LHFPL6: variants seen among roughly 807,000 people sequenced by gnomAD.
LHFPL6 encodes the protein LHFPL tetraspan subfamily member 6.
A neutral mutation model predicts 20.6 loss-of-function variants in LHFPL6; 9 were observed. The ratio of observed to expected loss-of-function variants is 0.44; its 90% CI spans 0.26 to 0.76. The LOEUF (loss-of-function observed/expected upper bound fraction) is 0.76. LHFPL6 is among the 30% of genes least tolerant of loss of function. The pLI is 0.20. For missense variants in LHFPL6, 218 were observed against 253.5 expected (o/e 0.86, Z 0.95); for synonymous variants, 105 against 98.7 (o/e 1.06, Z -0.38).
chr13:39,550,743 A>G (rs1012161087), intron 2 of LHFPL6, among the ~76,000 whole-genome samples: 1 of 152,176 alleles, frequency 6.6e-6, no homozygotes, highest in Admixed American at 6.5e-5. Context: ...TTCAGTTTAC[A>G]TACGCTTATT....
intron 2 of LHFPL6, among the ~76,000 whole-genome samples, chr13:39,511,174 A>G (rs766471597): frequency 1.4e-4 from 22 of 152,084 alleles, no homozygotes; most frequent in Non-Finnish European, 2.8e-4. Flanking sequence ...CACCTAGCCA[A>G]AATATTTTCT....
At chr13:39,543,607 C>T (rs1402248533) in intron 2 of LHFPL6, among the ~76,000 whole-genome samples, 3 of 148,270 alleles carry the variant, frequency 2.0e-5, no homozygotes, top group South Asian at 2.2e-4. Context: ...ATGGATCTGG[C>T]CCCCCGCAGA....
chr13:39,443,760 G>A (rs559790997), intron 2 of LHFPL6, among the ~76,000 whole-genome samples: 40 of 151,856 alleles, frequency 2.6e-4, no homozygotes, highest in African/African-American at 9.7e-4. Context: ...TGGTGTGAAA[G>A]TAATACGCAT....
chr13:39,446,434 T>A (rs1230296518), intron 2 of LHFPL6, among the ~76,000 whole-genome samples: 1 of 152,186 alleles, frequency 6.6e-6, no homozygotes, highest in African/African-American at 2.4e-5. Flanking sequence ...CAGCTATTGA[T>A]GAACTATGGT....
rs1342229280 is a variant in LHFPL6, at chr13:39,601,358, A to G, written c.-142T>C. 11 of 746,206 alleles carry G rather than the reference A, an allele frequency of 1.5e-5. No individual in the cohort carries two copies. Among genetic ancestry groups the G allele is most frequent in the African/African-American group, 5.2e-5 (3 of 57,186 alleles). 46.2% of individuals were successfully genotyped at this position (746,206 alleles called of 1,614,324 possible). On this transcript the variant is annotated 5_prime_UTR_variant, in exon 2 of 4. Transcript: ENST00000379589. ...GGATCTTCAGTCTTACTGGGCATCA[A>G]CTTTCCATCCTCTGCACTAAAGATG...
intron 2 of LHFPL6, 103 bp from the exon 3 acceptor site, chr13:39,378,629 G>C: frequency 1.3e-6 from 1 of 793,132 alleles, no homozygotes; most frequent in Non-Finnish European, 2.1e-6. Context: ...CATAGCGTCT[G>C]CTTTTTAGAC....
At chr13:39,588,468 A>G (rs917538584) in intron 2 of LHFPL6, among the ~76,000 whole-genome samples, 1 of 152,228 alleles carries the variant, frequency 6.6e-6, no homozygotes, top group Non-Finnish European at 1.5e-5. Context: ...GCCATTCCCA[A>G]ATAAGTTTGT....
Position 39,343,584 on chromosome 13 carries a change from G to T in LHFPL6, c.*352C>A. 1 of 226,124 alleles carries T rather than the reference G, an allele frequency of 4.4e-6. No individual in the cohort carries two copies. 14.0% of individuals were successfully genotyped at this position (226,124 alleles called of 1,614,324 possible). ...AAAAAAAACTAAAACCCAAACCCTT[G>T]TTTGTATATGTAGATTTGTTGTGTG... On this transcript the variant is annotated 3_prime_UTR_variant, in exon 4 of 4. Coordinates refer to ENST00000379589, the MANE Select transcript of LHFPL6 (RefSeq NM_005780.3).
intron 3 of LHFPL6, among the ~76,000 whole-genome samples, chr13:39,348,808 C>G (rs1425442567): frequency 1.3e-5 from 2 of 152,150 alleles, no homozygotes; most frequent in African/African-American, 4.8e-5. Context: ...CCACTCTCCC[C>G]ACACTACCCT....
intron 3 of LHFPL6, among the ~76,000 whole-genome samples, chr13:39,365,530 T>G (rs1869989070): frequency 6.6e-6 from 1 of 152,200 alleles, no homozygotes; most frequent in Non-Finnish European, 1.5e-5. Context: ...TTTGGTAAAT[T>G]ACAATCTGTT....
chr13:39,411,987 C>A (rs193122572), intron 2 of LHFPL6, among the ~76,000 whole-genome samples: 15 of 152,272 alleles, frequency 9.9e-5, no homozygotes, highest in Admixed American at 3.3e-4. Context: ...TTCTGTGGGA[C>A]ATAAGTATTA....
At chr13:39,539,637 C>T (rs564468098) in intron 2 of LHFPL6, among the ~76,000 whole-genome samples, 4 of 152,278 alleles carry the variant, frequency 2.6e-5, no homozygotes, top group South Asian at 4.1e-4. Context: ...AATTAATCAG[C>T]GTAAGGCATA....
chr13:39,388,710 G>A (rs1447696228), intron 2 of LHFPL6, among the ~76,000 whole-genome samples: 1 of 152,124 alleles, frequency 6.6e-6, no homozygotes, highest in Non-Finnish European at 1.5e-5. Context: ...ACAGTGTTGT[G>A]GGAGAGATTT....
intron 2 of LHFPL6, among the ~76,000 whole-genome samples, chr13:39,550,177 T>C (rs1871107305): frequency 6.6e-6 from 1 of 152,136 alleles, no homozygotes; most frequent in Non-Finnish European, 1.5e-5. Context: ...AAGTTACATA[T>C]TGCATGATTC....
At chr13:39,549,148 T>C (rs544789854) in intron 2 of LHFPL6, among the ~76,000 whole-genome samples, 27 of 152,102 alleles carry the variant, frequency 1.8e-4, no homozygotes, top group African/African-American at 2.9e-4. Context: ...CAAACAGGCA[T>C]ATGAAATAAT....
At chr13:39,429,040 T>G (rs1871720317) in intron 2 of LHFPL6, among the ~76,000 whole-genome samples, 2 of 152,188 alleles carry the variant, frequency 1.3e-5, no homozygotes, top group East Asian at 3.8e-4. Context: ...GACTTGAATC[T>G]TCTAAAATTT....
chr13:39,521,777 T>G (rs1224802779), intron 2 of LHFPL6, among the ~76,000 whole-genome samples: 5 of 152,250 alleles, frequency 3.3e-5, no homozygotes, highest in Admixed American at 2.0e-4. Flanking sequence ...TGAAAGATCC[T>G]TGCTTTGCAG....
At chr13:39,589,382 T>A (rs1298994945) in intron 2 of LHFPL6, among the ~76,000 whole-genome samples, 1 of 152,062 alleles carries the variant, frequency 6.6e-6, no homozygotes, top group South Asian at 2.1e-4. Flanking sequence ...TGGGATTAAT[T>A]ACAGATGTGA....
intron 2 of LHFPL6, among the ~76,000 whole-genome samples, chr13:39,533,930 T>C (rs1328358597): frequency 6.6e-6 from 1 of 152,122 alleles, no homozygotes; most frequent in Non-Finnish European, 1.5e-5. Flanking sequence ...AACATTGGGT[T>C]GTACATGTGA....
Sources: gnomAD v4.1 joint callset for allele counts (sites outside exome capture counted in the v4.1 genomes callset) on GRCh38, gnomAD v4.1.1 for gene constraint, MANE v1.5 for transcripts, NCBI Gene and HGNC (gene_info 2026-07-23, HGNC 2026-07-21) for gene names.